INSR: variants seen among roughly 807,000 people sequenced by gnomAD.
INSR encodes the protein insulin receptor, also known as IR.
INSR carries 67 observed loss-of-function variants against 142.6 expected under a neutral mutation model. That is an observed-to-expected ratio of 0.47 (90% CI 0.39 to 0.58). INSR has a LOEUF of 0.58. Ranked by LOEUF, INSR falls within the 20% of genes least tolerant of loss-of-function variation. The pLI is 0.00. For synonymous variants in INSR, 756 were observed against 743.1 expected, an observed-to-expected ratio of 1.02 and a Z score of -0.28; for missense variants, 1,248 against 1,833.2, an observed-to-expected ratio of 0.68 and a Z score of 5.83.
At chr19:7,131,037 C>T (rs1410797206) in intron 14 of INSR, among the ~76,000 whole-genome samples, 1 of 150,582 alleles carries the variant, frequency 6.6e-6, no homozygotes, top group East Asian at 2.0e-4. Flanking sequence ...CACCACTATG[C>T]CCAGCTAATT....
At chr19:7,287,159 CTTTTTTTTT>C (rs34457204) in intron 1 of INSR, among the ~76,000 whole-genome samples, 6 of 129,162 alleles carry the variant, frequency 4.6e-5, no homozygotes, top group Non-Finnish European at 6.5e-5. Context: ...CAAAAATATT[CTTTTTTTTT>C]TTTTTTTTTG....
intron 2 of INSR, among the ~76,000 whole-genome samples, chr19:7,239,030 C>CAAA (rs558348124): frequency 8.2e-6 from 1 of 122,654 alleles, no homozygotes; most frequent in African/African-American, 3.1e-5. Flanking sequence ...ATTATTACTA[C>CAAA]AAAAAAAAAA....
intron 13 of INSR, among the ~76,000 whole-genome samples, chr19:7,136,024 C>T (rs1972916188): frequency 6.6e-6 from 1 of 151,756 alleles, no homozygotes; most frequent in Admixed American, 6.6e-5. Flanking sequence ...AGCAGCTGTG[C>T]CATTTTATGT....
At chr19:7,134,434 C>T (rs779190538) in intron 13 of INSR, among the ~76,000 whole-genome samples, 12 of 142,974 alleles carry the variant, frequency 8.4e-5, no homozygotes, top group East Asian at 2.1e-4. Context: ...TTCTTTGCCA[C>T]GGTGCTGCCT....
At chr19:7,286,750 T>C (rs1968354959) in intron 1 of INSR, among the ~76,000 whole-genome samples, 1 of 151,998 alleles carries the variant, frequency 6.6e-6, no homozygotes, top group Non-Finnish European at 1.5e-5. Flanking sequence ...TTGTAATTTT[T>C]CTTTTTGCAA....
In INSR at chr19:7,117,404, G is replaced by C. The variant is rs761847127; in HGVS notation, c.3801C>G (p.Asp1267Glu). Residue 1267 changes from aspartate (D) to glutamate (E), a missense_variant, in exon 22 of 22, where the codon GAC becomes GAG. Physicochemically the swap from Asp to Glu is conservative, Grantham distance 45. This residue lies in a region of INSR where 1,069 missense variants were observed against 1,654.0 expected (regional missense o/e 0.65). Coordinates refer to ENST00000302850, the MANE Select transcript of INSR (RefSeq NM_000208.4). ...QPDNCPERVT[D>E]LMRMCWQFNP... Reference sequence around the variant, plus strand: ...TGAATTGCCAGCACATGCGCATGAGGTCAGTGCTGCGGGGCAGAAGGACAC... The same window carrying C: ...TGAATTGCCAGCACATGCGCATGAGCTCAGTGCTGCGGGGCAGAAGGACAC... The C allele has an allele frequency of 6.2e-7, 1 of 1,613,182 alleles. No individual in the cohort carries two copies.
chr19:7,182,563 T>A (rs1038930107), intron 3 of INSR, among the ~76,000 whole-genome samples: 7 of 152,156 alleles, frequency 4.6e-5, no homozygotes, highest in African/African-American at 1.7e-4. Context: ...AATATTAATT[T>A]TTTTAAACCT....
chr19:7,167,901 C>A (rs1179098144), intron 7 of INSR, 67 bp downstream of exon 7: 8 of 1,605,866 alleles, frequency 5.0e-6, no homozygotes, highest in African/African-American at 1.3e-5. Context: ...GATTGGAGCA[C>A]AAACGTAGCA....
At chr19:7,252,911 T>C (rs10402777) in intron 2 of INSR, among the ~76,000 whole-genome samples, 58,625 of 151,750 alleles carry the variant, frequency 0.39, 12,318 homozygotes, top group African/African-American at 0.53. Context: ...GTCAAGAGAT[T>C]GAGACCATCC....
rs1466612829 is a variant in INSR, at chr19:7,150,624, G to A, written c.2232-92C>T. On this transcript the variant is annotated intron_variant, in intron 10 of 21. Transcript: ENST00000302850. This position sits in a 1 kb window ranked among gnomAD's most constrained non-coding sequence, Gnocchi z 4.2. ...ACACTTGGAGGCCACATGTGTCCGA[G>A]TAAGGGCACCCTGGCTTTGACCCTG... 12 of 1,235,410 alleles carry A rather than the reference G, an allele frequency of 9.7e-6. No individual in the cohort carries two copies. The highest frequency in any genetic ancestry group is 1.5e-5 in the African/African-American group (1 of 67,820). The allele number at this position is 1,235,410 out of a possible 1,614,324, so 76.5% of individuals were successfully genotyped here. A position where few individuals can be genotyped will look rare whatever the true frequency, so the allele number is the denominator to read the frequency against.
intron 11 of INSR, among the ~76,000 whole-genome samples, chr19:7,148,834 G>A (rs1973248472): frequency 6.7e-6 from 1 of 148,914 alleles, no homozygotes; most frequent in Admixed American, 6.7e-5. Flanking sequence ...TCGCTCTGTG[G>A]CCCAGGCTGG....
chr19:7,122,947 C>T lies in INSR; in HGVS notation c.3301G>A (p.Val1101Met). 2 of 1,608,036 alleles carry T rather than the reference C, an allele frequency of 1.2e-6. No individual in the cohort carries two copies. The highest frequency in any genetic ancestry group is 1.7e-6 in the Non-Finnish European group (2 of 1,178,210). Residue 1101 changes from valine to methionine, a missense_variant, in exon 18 of 22, where the codon GTG (valine) becomes ATG (methionine). Physicochemically the swap from Val to Met is conservative, Grantham distance 21. This residue lies in a region of INSR where 1,069 missense variants were observed against 1,654.0 expected (regional missense o/e 0.65). Coordinates refer to ENST00000302850, the MANE Select transcript of INSR (RefSeq NM_000208.4). ...CCGTGAGCCATCAGCTCCATCACCA[C>T]CAGCGTGGGCTGGCCCTTGGACACC... ...GVVSKGQPTL[V>M]VMELMAHGDL... is the part of the protein sequence containing the mutation.
At chr19:7,188,589 G>C (rs1198425454) in intron 2 of INSR, among the ~76,000 whole-genome samples, 1 of 150,790 alleles carries the variant, frequency 6.6e-6, no homozygotes, top group African/African-American at 2.4e-5. Context: ...AGTTCTAATA[G>C]GGCTAAGCAC....
At chr19:7,201,108 G>A (rs1568483159) in intron 2 of INSR, among the ~76,000 whole-genome samples, 1 of 151,966 alleles carries the variant, frequency 6.6e-6, no homozygotes, top group Admixed American at 6.6e-5. Context: ...TCAACCTATT[G>A]ATGTTTCCTG....
chr19:7,195,382 C>G (rs530775592), intron 2 of INSR, among the ~76,000 whole-genome samples: 5 of 152,258 alleles, frequency 3.3e-5, no homozygotes, highest in Non-Finnish European at 5.9e-5. Context: ...GTGGCTAACA[C>G]GTGTAATCCC....
Position 7,141,716 on chromosome 19 carries a change from G to A in INSR, c.2643C>T (p.Ile881=), listed in dbSNP as rs2229432. 9.3e-3 allele frequency: 15,023 copies of A among 1,614,070 alleles called. 163 individuals are homozygous for A. Among genetic ancestry groups the A allele is most frequent in the African/African-American group, 0.043 (3,246 of 75,042 alleles). The change falls in exon 13 of 22, where the codon ATC becomes ATT. Residue 881 remains isoleucine (I), a synonymous_variant. Transcript: ENST00000302850. ...GCCGATAACTCACTTCATACAGCAC[G>A]ATCAGACCATTGGGCTCCTTCGGCT... ...WQEPKEPNGL[I]VLYEVSYRRY... is the part of the protein sequence containing the mutation.
intron 2 of INSR, among the ~76,000 whole-genome samples, chr19:7,241,751 G>C (rs988169856): frequency 6.8e-6 from 1 of 147,450 alleles, no homozygotes; most frequent in African/African-American, 2.5e-5. Flanking sequence ...TGGAGGCCAG[G>C]GATGCTACTA....
chr19:7,270,138 C>T (rs34380919), intron 1 of INSR, among the ~76,000 whole-genome samples: 12,501 of 151,906 alleles, frequency 0.082, 563 homozygotes, highest in Middle Eastern at 0.12. Flanking sequence ...TTAGTAGAGA[C>T]GGGATTTCAC....
At chr19:7,235,332 A>T (rs1393606158) in intron 2 of INSR, among the ~76,000 whole-genome samples, 1 of 152,136 alleles carries the variant, frequency 6.6e-6, no homozygotes, top group Non-Finnish European at 1.5e-5. Context: ...AACTCCCTAC[A>T]TTCTTACTCC....
Sources: allele counts gnomAD v4.1 joint callset (sites outside exome capture counted in the v4.1 genomes callset), GRCh38; gene constraint gnomAD v4.1.1; regional missense constraint gnomAD v4.1.1; non-coding constraint Gnocchi (gnomAD v3.1); transcripts MANE v1.5; gene names NCBI Gene and HGNC (gene_info 2026-07-23, HGNC 2026-07-21).